ANO4: variants seen among roughly 807,000 people sequenced by gnomAD.
The protein encoded by ANO4 is anoctamin-4.
A neutral mutation model predicts 141.9 loss-of-function variants in ANO4; 69 were observed. The observed-to-expected ratio is 0.49, with a 90% CI of 0.40 to 0.59. ANO4 has a LOEUF of 0.59. ANO4 is among the 20% of genes least tolerant of loss of function. ANO4 has a pLI of 0.00. For synonymous variants in ANO4, 350 were observed against 394.3 expected (o/e 0.89, Z 1.33); for missense variants, 894 against 1,162.2 (o/e 0.77, Z 3.36).
chr12:101,127,416 C>T (rs771237328), intron 27 of ANO4, among the ~76,000 whole-genome samples: 21 of 152,080 alleles, frequency 1.4e-4, no homozygotes, highest in Non-Finnish European at 2.1e-4. Context: ...GGGAAACATG[C>T]CCCTTCTTTC....
chr12:100,871,493 A>G (rs1377003010), intron 1 of ANO4, among the ~76,000 whole-genome samples: 1 of 152,214 alleles, frequency 6.6e-6, no homozygotes, highest in Admixed American at 6.5e-5. Context: ...CCCTTCTGTT[A>G]TAGCACTGAG....
At chr12:101,039,360 C>T (rs2047326263) in intron 10 of ANO4, among the ~76,000 whole-genome samples, 1 of 152,154 alleles carries the variant, frequency 6.6e-6, no homozygotes, top group Admixed American at 6.6e-5. Flanking sequence ...CAAAAGTTAG[C>T]CGTGCATGGT....
intron 3 of ANO4, among the ~76,000 whole-genome samples, chr12:100,928,177 G>A (rs907285625): frequency 9.2e-5 from 14 of 151,778 alleles, no homozygotes; most frequent in African/African-American, 2.4e-4. Context: ...ATGGGGGTGA[G>A]CGGGGCCGGG....
At chr12:100,811,434 A>G (rs2035428300) in intron 1 of ANO4, among the ~76,000 whole-genome samples, 1 of 152,216 alleles carries the variant, frequency 6.6e-6, no homozygotes, top group Non-Finnish European at 1.5e-5. Flanking sequence ...GTGATGTTAT[A>G]TAATGAAACT....
chr12:101,019,842 G>A (rs2046452413), intron 8 of ANO4, among the ~76,000 whole-genome samples, 192 bp from the exon 9 acceptor site: 1 of 152,170 alleles, frequency 6.6e-6, no homozygotes, highest in Non-Finnish European at 1.5e-5. Flanking sequence ...TGTTGATGCT[G>A]AAAACCAAAA....
At chr12:100,760,570 T>C (rs1479811297) in intron 3 of ANO4, among the ~76,000 whole-genome samples, 1 of 152,198 alleles carries the variant, frequency 6.6e-6, no homozygotes, top group Non-Finnish European at 1.5e-5. Flanking sequence ...TTTCCTGTTT[T>C]AAAATTCTAT....
chr12:100,802,679 A>G (rs576804998), intron 1 of ANO4, among the ~76,000 whole-genome samples: 27 of 152,302 alleles, frequency 1.8e-4, no homozygotes, highest in Non-Finnish European at 2.9e-5. Context: ...ACTATGTTTC[A>G]GCTTCCTGCC....
intron 21 of ANO4, among the ~76,000 whole-genome samples, chr12:101,098,249 A>C (rs879756105): frequency 6.6e-6 from 1 of 152,186 alleles, no homozygotes; most frequent in Non-Finnish European, 1.5e-5. Flanking sequence ...GGGCTCCAGC[A>C]TTGCAAGTCC....
intron 3 of ANO4, among the ~76,000 whole-genome samples, chr12:100,772,362 C>G (rs1593303721): frequency 6.6e-6 from 1 of 152,122 alleles, no homozygotes; most frequent in African/African-American, 2.4e-5. Flanking sequence ...CCCTTGTTTC[C>G]CTACCTCTTT....
chr12:100,919,632 A>T (rs2041513938), intron 2 of ANO4, among the ~76,000 whole-genome samples: 1 of 151,028 alleles, frequency 6.6e-6, no homozygotes, highest in South Asian at 2.1e-4. Context: ...AAAGTATCCC[A>T]TCCTTAAGTG....
intron 1 of ANO4, among the ~76,000 whole-genome samples, chr12:100,877,836 T>C (rs920578225): frequency 2.0e-5 from 3 of 152,286 alleles, no homozygotes; most frequent in East Asian, 3.9e-4. Context: ...GAGAAGAAAG[T>C]AACTTGCTAG....
At chr12:100,867,622 ACAC>A (rs2038816718) in intron 1 of ANO4, among the ~76,000 whole-genome samples, 1 of 152,044 alleles carries the variant, frequency 6.6e-6, no homozygotes. Context: ...TCACACACAC[ACAC>A]ACACACACAC....
In ANO4 at chr12:100,733,513, A is replaced by G. The variant is rs149717056; in HGVS notation, c.23-261A>G. Among the ~76,000 whole-genome samples, 336 of 152,172 alleles carry G rather than the reference A, an allele frequency of 2.2e-3. 1 individual carries two copies. The highest frequency in any genetic ancestry group is 0.01 in the Middle Eastern group (3 of 294). On this transcript the variant is annotated intron_variant, in intron 1 of 29. Coordinates refer to the ANO4 transcript ENST00000644049. ...CTGCCCAAGCACCCTTCACTCTCCCATTGTAATAATGATGACATGAAACTG... is the reference window on the plus strand; with the variant it reads ...CTGCCCAAGCACCCTTCACTCTCCCGTTGTAATAATGATGACATGAAACTG...
At chr12:100,769,247 A>G (rs955401873) in intron 3 of ANO4, among the ~76,000 whole-genome samples, 12 of 152,226 alleles carry the variant, frequency 7.9e-5, no homozygotes, top group Admixed American at 2.0e-4. Context: ...AGAGGTATGC[A>G]TTTGTAATTT....
chr12:100,812,800 A>G (rs1593399484), intron 1 of ANO4, among the ~76,000 whole-genome samples: 2 of 152,194 alleles, frequency 1.3e-5, no homozygotes, highest in South Asian at 2.1e-4. Context: ...CGTTATGAAA[A>G]TCATCAAGCT....
At chr12:100,808,856 A>G (rs948863067) in intron 1 of ANO4, among the ~76,000 whole-genome samples, 2 of 152,060 alleles carry the variant, frequency 1.3e-5, no homozygotes, top group African/African-American at 4.8e-5. Flanking sequence ...TAAATTTGCA[A>G]TTGAATTTAG....
intron 1 of ANO4, among the ~76,000 whole-genome samples, chr12:100,857,662 TAA>T (rs1419309518): frequency 1.3e-5 from 2 of 152,120 alleles, no homozygotes; most frequent in Non-Finnish European, 2.9e-5. Flanking sequence ...ATGACATCAT[TAA>T]ATTATCCATG....
chr12:101,111,914 G>A, intron 24 of ANO4, among the ~76,000 whole-genome samples: 1 of 152,182 alleles, frequency 6.6e-6, no homozygotes, highest in Middle Eastern at 3.4e-3. Flanking sequence ...ATCTACCAAA[G>A]AGTTGGAGGA....
At chr12:101,002,335 GGCTGT>G (rs1465112536) in intron 8 of ANO4, among the ~76,000 whole-genome samples, 3 of 152,222 alleles carry the variant, frequency 2.0e-5, no homozygotes, top group Non-Finnish European at 2.9e-5. Context: ...TCATGCCCTT[GGCTGT>G]GCACCTGCAG....
Sources: gnomAD v4.1 joint callset for allele counts (sites outside exome capture counted in the v4.1 genomes callset) on GRCh38, gnomAD v4.1.1 for gene constraint, MANE v1.5 for transcripts, NCBI Gene and HGNC (gene_info 2026-07-23, HGNC 2026-07-21) for gene names.